MAP4K5: variants seen among roughly 807,000 people sequenced by gnomAD.
The protein encoded by MAP4K5 is mitogen-activated protein kinase kinase kinase kinase 5.
Under a neutral mutation model 135.6 loss-of-function variants are expected in MAP4K5, and 82 were observed. That is an observed-to-expected ratio of 0.60 (90% CI 0.51 to 0.73). The LOEUF (loss-of-function observed/expected upper bound fraction) is 0.73. MAP4K5 is among the 30% of genes least tolerant of loss of function. The pLI is 0.00. For missense variants in MAP4K5, 907 were observed against 1,010.9 expected, an observed-to-expected ratio of 0.90 and a Z score of 1.39; for synonymous variants, 347 against 335.0, an observed-to-expected ratio of 1.04 and a Z score of -0.39.
chr14:50,464,665 A>G (rs1260880616), intron 11 of MAP4K5, among the ~76,000 whole-genome samples: 1 of 152,246 alleles, frequency 6.6e-6, no homozygotes, highest in Admixed American at 6.5e-5. Context: ...AATTAAAGGT[A>G]TCACATTTTG....
upstream of MAP4K5, among the ~76,000 whole-genome samples, chr14:50,536,064 G>A (rs992347891): frequency 6.6e-6 from 1 of 152,224 alleles, no homozygotes; most frequent in Admixed American, 6.5e-5. Context: ...GCAGCCACAT[G>A]GAACTGTAAG....
chr14:50,443,968 G>A lies in MAP4K5; in HGVS notation c.1408C>T (p.Pro470Ser), dbSNP rs759129398. 6.2e-6 allele frequency: 10 copies of A among 1,609,058 alleles called. No homozygotes were observed. The East Asian group carries it at 2.0e-4, about 32-fold the overall frequency. Residue 470 changes from proline (P) to serine (S), a missense_variant, in exon 19 of 33, where the codon CCA (proline) becomes TCA (serine). By Grantham distance (74) the Pro-to-Ser change is moderately conservative. This residue lies in a region of MAP4K5 where 690 missense variants were observed against 777.4 expected (regional missense o/e 0.89). Transcript: ENST00000682126. Reference sequence around the variant, plus strand: ...AAGTCTCGTTTGTCCTTTTTTCGTGGTAACTGTGGTGCTTGTGCTGATCCT... The same window carrying A: ...AAGTCTCGTTTGTCCTTTTTTCGTGATAACTGTGGTGCTTGTGCTGATCCT... ...TEGSAQAPQL[P>S]RKKDKRDFPK...
chr14:50,551,489 G>C (rs1468656900), intron 1 of MAP4K5, among the ~76,000 whole-genome samples: 1 of 151,936 alleles, frequency 6.6e-6, no homozygotes, highest in African/African-American at 2.4e-5. Flanking sequence ...TATTTCAAAA[G>C]ATAAAGAAAG....
chr14:50,488,235 T>C (rs1324304267), intron 3 of MAP4K5, among the ~76,000 whole-genome samples: 2 of 152,050 alleles, frequency 1.3e-5, no homozygotes, highest in African/African-American at 4.8e-5. Flanking sequence ...TCAGATCTCA[T>C]GAGAACTCAC....
In MAP4K5 at chr14:50,435,069, G is replaced by T; in HGVS notation, c.1883-4C>A. 2.6e-6 allele frequency: 4 copies of T among 1,547,928 alleles called. No homozygotes were observed. Among genetic ancestry groups the T allele is most frequent in the Non-Finnish European group, 3.5e-6 (4 of 1,127,800 alleles). On this transcript the variant is annotated splice_region_variant and splice_polypyrimidine_tract_variant and intron_variant, in intron 26 of 32. Transcript: ENST00000682126. The stretch of plus-strand genomic sequence containing the variant: ...TGTCCCGTGTAAGGGTTTCTGACTG[G>T]AAAGAAATAAACAAACAAAAAACCC...
chr14:50,501,158 T>C lies in MAP4K5; in HGVS notation c.166+3642A>G, dbSNP rs373102474. Among the ~76,000 whole-genome samples the C allele has an allele frequency of 2.6e-5, 4 of 152,132 alleles. No individual in the cohort carries two copies. The East Asian group carries it at 5.8e-4, about 22-fold the overall frequency. On this transcript the variant is annotated intron_variant, in intron 3 of 32. Transcript: ENST00000682126. ...TACCCCAGTGCAATCAGAAAGTTTC[T>C]GGGCTAAAATCCCCAAATAAACCAA...
intron 1 of MAP4K5, among the ~76,000 whole-genome samples, chr14:50,556,256 G>T (rs753053645): frequency 6.6e-6 from 1 of 152,100 alleles, no homozygotes; most frequent in Non-Finnish European, 1.5e-5. Context: ...TTGAGACAGG[G>T]TCTTGCTCTG....
At chr14:50,428,640 T>A (rs2035901032) in intron 30 of MAP4K5, 22 bp downstream of exon 30, 1 of 1,354,376 alleles carries the variant, frequency 7.4e-7, no homozygotes, top group African/African-American at 1.5e-5. Context: ...GCAAACTGAT[T>A]TATGAAAAAA....
chr14:50,512,985 A>G (rs73289813), intron 2 of MAP4K5, among the ~76,000 whole-genome samples: 1,739 of 152,260 alleles, frequency 0.011, 32 homozygotes, highest in African/African-American at 0.039. Context: ...ATTCCTATTC[A>G]TGTTAGTAGG....
At chr14:50,508,494 C>A (rs962800377) in intron 2 of MAP4K5, among the ~76,000 whole-genome samples, 1 of 151,860 alleles carries the variant, frequency 6.6e-6, no homozygotes, top group African/African-American at 2.4e-5. Flanking sequence ...CATGTTCTCA[C>A]TCATAGGTGG....
chr14:50,512,237 A>G (rs1419598254), intron 2 of MAP4K5, among the ~76,000 whole-genome samples: 2 of 152,144 alleles, frequency 1.3e-5, no homozygotes, highest in Admixed American at 6.5e-5. Flanking sequence ...TTAAAGATAA[A>G]TTATTTTTGA....
chr14:50,462,594 GA>G (rs921819243), intron 13 of MAP4K5, 70 bp downstream of exon 13: 26 of 1,045,676 alleles, frequency 2.5e-5, no homozygotes, highest in East Asian at 7.3e-5. Context: ...AGAAAACAAA[GA>G]AAAAAAAGCA....
At chr14:50,468,587 A>G in intron 10 of MAP4K5, 64 bp downstream of exon 10, 1 of 1,485,034 alleles carries the variant, frequency 6.7e-7, no homozygotes, top group Non-Finnish European at 9.3e-7. Flanking sequence ...ATGCTGAGTT[A>G]TCAGCATTTC....
At chr14:50,424,995 T>G (rs2035815074) in intron 31 of MAP4K5, among the ~76,000 whole-genome samples, 1 of 152,198 alleles carries the variant, frequency 6.6e-6, no homozygotes, top group Non-Finnish European at 1.5e-5. Context: ...TAATTCTGCA[T>G]TCATATAAGA....
intron 1 of MAP4K5, among the ~76,000 whole-genome samples, chr14:50,555,247 A>G (rs2038751348): frequency 6.9e-6 from 1 of 144,928 alleles, no homozygotes; most frequent in South Asian, 2.3e-4. Context: ...GGCATGAAGA[A>G]CTTTAGTTCC....
chr14:50,431,843 G>A (rs2035977798), intron 28 of MAP4K5, among the ~76,000 whole-genome samples: 1 of 152,150 alleles, frequency 6.6e-6, no homozygotes, highest in African/African-American at 2.4e-5. Flanking sequence ...CTTCCACAAT[G>A]GTTGAACTAG....
intron 10 of MAP4K5, among the ~76,000 whole-genome samples, chr14:50,467,780 T>C (rs997058813): frequency 1.3e-5 from 2 of 152,118 alleles, no homozygotes; most frequent in African/African-American, 4.8e-5. Flanking sequence ...TAAAAGTAGG[T>C]ATCTTTTAAT....
intron 12 of MAP4K5, among the ~76,000 whole-genome samples, chr14:50,463,838 C>T (rs1459524331): frequency 1.6e-5 from 2 of 124,846 alleles, no homozygotes; most frequent in East Asian, 4.9e-4. Context: ...CTGCAGTGAG[C>T]TGAGATCATG....
chr14:50,540,777 A>G (rs927763669), intron 2 of MAP4K5, among the ~76,000 whole-genome samples: 3 of 152,202 alleles, frequency 2.0e-5, no homozygotes, highest in African/African-American at 4.8e-5. Flanking sequence ...CTAGGGAGCT[A>G]TTATGATAGG....
Sources: gnomAD v4.1 joint callset for allele counts (sites outside exome capture counted in the v4.1 genomes callset) on GRCh38, gnomAD v4.1.1 for gene constraint, gnomAD v4.1.1 regional missense constraint, MANE v1.5 for transcripts, NCBI Gene and HGNC (gene_info 2026-07-23, HGNC 2026-07-21) for gene names.